Variants in DDX4 observed in about 807,000 individuals in gnomAD.
The protein encoded by DDX4 is DEAD-box helicase 4, also known as probable ATP-dependent RNA helicase DDX4.
A neutral mutation model predicts 100.0 loss-of-function variants in DDX4; 25 were observed. The ratio of observed to expected loss-of-function variants is 0.25; its 90% CI spans 0.18 to 0.35. DDX4 has a LOEUF of 0.35. DDX4 is among the 10% of genes least tolerant of loss of function. DDX4 has a pLI of 1.00. For missense variants in DDX4, 635 were observed against 882.4 expected, an observed-to-expected ratio of 0.72 and a Z score of 3.55; for synonymous variants, 259 against 275.7, an observed-to-expected ratio of 0.94 and a Z score of 0.60.
At chr5:55,774,740 A>G (rs1362368617) in intron 7 of DDX4, among the ~76,000 whole-genome samples, 1 of 152,128 alleles carries the variant, frequency 6.6e-6, no homozygotes. Context: ...ATGGATACCC[A>G]GTTGTTCTAG....
In DDX4 at chr5:55,815,026, A is replaced by G; in HGVS notation, c.1841A>G (p.Asn614Ser). 1.2e-6 allele frequency: 2 copies of G among 1,614,192 alleles called. No individual in the cohort carries two copies. Among genetic ancestry groups the G allele is most frequent in the Non-Finnish European group, 1.7e-6 (2 of 1,180,032 alleles). The change falls in exon 20 of 22, where the codon AAT (asparagine) becomes AGT (serine). Residue 614 changes from asparagine to serine, a missense_variant. This residue lies in a region of DDX4 where 115 missense variants were observed against 224.7 expected (regional missense o/e 0.51). Coordinates refer to ENST00000505374, the MANE Select transcript of DDX4 (RefSeq NM_024415.3). ...ATTGAAAATGTGCAACATGTTATCA[A>G]TTTTGATCTTCCTTCTACCATTGAT... ...LDIENVQHVI[N>S]FDLPSTIDEY...
intron 3 of DDX4, among the ~76,000 whole-genome samples, chr5:55,756,856 G>T (rs1759966794): frequency 6.6e-6 from 1 of 151,984 alleles, no homozygotes; most frequent in South Asian, 2.1e-4. Context: ...ATTGGTATTA[G>T]AGTCTTATTT....
chr5:55,807,271 T>C (rs920662668), intron 18 of DDX4, among the ~76,000 whole-genome samples: 4 of 152,232 alleles, frequency 2.6e-5, no homozygotes, highest in African/African-American at 9.6e-5. Context: ...CTTGACTCTT[T>C]ATCCAGTTTG....
In DDX4 at chr5:55,796,908, C is replaced by A. The variant is rs189782624; in HGVS notation, c.1470-1518C>A. Among the ~76,000 whole-genome samples the A allele has an allele frequency of 1.5e-5, 2 of 129,548 alleles. 1 individual carries two copies. Among genetic ancestry groups the A allele is most frequent in the South Asian group, 5.6e-4 (2 of 3,600 alleles). 85.0% of individuals were successfully genotyped at this position (129,548 alleles called of 152,430 possible). On this transcript the variant is annotated intron_variant, in intron 17 of 21. Transcript: ENST00000505374. ...CCAGGCTGAAGTTCAGAGGCACAATCATGGTTCACTGCCACCTTGACCTCC... is the reference window on the plus strand; with the variant it reads ...CCAGGCTGAAGTTCAGAGGCACAATAATGGTTCACTGCCACCTTGACCTCC...
intron 4 of DDX4, among the ~76,000 whole-genome samples, chr5:55,762,001 G>C (rs540010558): frequency 7.9e-5 from 12 of 152,090 alleles, no homozygotes; most frequent in Non-Finnish European, 1.3e-4. Flanking sequence ...TTAAAATATC[G>C]ACTAGCTTGT....
intron 17 of DDX4, 23 bp downstream of exon 17, chr5:55,792,830 A>G: frequency 7.9e-7 from 1 of 1,272,720 alleles, no homozygotes; most frequent in Non-Finnish European, 1.0e-6. Flanking sequence ...TCTTAAAAAT[A>G]ATTTAATTAT....
At chr5:55,793,418 G>C (rs550868599) in intron 17 of DDX4, among the ~76,000 whole-genome samples, 1 of 152,218 alleles carries the variant, frequency 6.6e-6, no homozygotes, top group Admixed American at 6.5e-5. Flanking sequence ...CTTTATAATG[G>C]TTTATCATAG....
At position 55,768,375 on chromosome 5, in the gene DDX4, A is replaced by G. The variant is rs191931319; in HGVS notation, c.394+435A>G. Among the ~76,000 whole-genome samples, 114 of 152,282 alleles carry G rather than the reference A, an allele frequency of 7.5e-4. 1 individual carries two copies. The highest frequency in any genetic ancestry group is 5.6e-3 in the East Asian group (29 of 5,192). On this transcript the variant is annotated intron_variant, in intron 7 of 21. Coordinates refer to ENST00000505374, the MANE Select transcript of DDX4 (RefSeq NM_024415.3). ...TTAGCTCCCACTTATAAGTGAGAAC[A>G]TTCAGTATTTGGCTTTCTGTTCCTG... is the stretch of plus-strand genomic sequence containing the variant.
chr5:55,780,956 C>G (rs1470901238), intron 8 of DDX4, 110 bp from the exon 9 acceptor site: 1 of 832,540 alleles, frequency 1.2e-6, no homozygotes, highest in Non-Finnish European at 1.8e-6. Flanking sequence ...TTCTATTTTA[C>G]CCTGCATCTT....
chr5:55,761,332 T>C (rs1740538681), intron 4 of DDX4, among the ~76,000 whole-genome samples: 1 of 152,128 alleles, frequency 6.6e-6, no homozygotes, highest in South Asian at 2.1e-4. Flanking sequence ...ACGTATCTTT[T>C]AAAATTATAT....
At chr5:55,746,073 T>C (rs1759234640) in intron 2 of DDX4, 91 bp from the exon 3 acceptor site, 4 of 989,140 alleles carry the variant, frequency 4.0e-6, no homozygotes, top group Admixed American at 2.5e-5. Context: ...TGAACAAAGC[T>C]CAATTGTTAT....
At chr5:55,806,842 C>T (rs1261249347) in intron 18 of DDX4, among the ~76,000 whole-genome samples, 1 of 152,112 alleles carries the variant, frequency 6.6e-6, no homozygotes, top group African/African-American at 2.4e-5. Context: ...CTGTTAGGTC[C>T]ACTTGGTGCA....
intron 18 of DDX4, among the ~76,000 whole-genome samples, chr5:55,808,685 C>T (rs764876701): frequency 2.6e-5 from 4 of 152,234 alleles, no homozygotes; most frequent in Admixed American, 1.3e-4. Context: ...GAAGTTTTGT[C>T]TCAGAGGAGT....
chr5:55,798,389 G>A (rs1359500163), intron 17 of DDX4, 37 bp from the exon 18 acceptor site: 1 of 1,601,866 alleles, frequency 6.2e-7, no homozygotes, highest in Admixed American at 1.7e-5. Flanking sequence ...CTGATGGAGA[G>A]GAGGATAAGT....
Position 55,815,297 on chromosome 5 carries a change from T to G in DDX4, c.1987-16T>G. 6.2e-7 allele frequency: 1 copy of G among 1,604,470 alleles called. No individual in the cohort carries two copies. The highest frequency in any genetic ancestry group is 8.5e-7 in the Non-Finnish European group (1 of 1,177,572). On this transcript the variant is annotated splice_polypyrimidine_tract_variant and intron_variant, in intron 20 of 21. Coordinates refer to ENST00000505374, the MANE Select transcript of DDX4 (RefSeq NM_024415.3). Reference sequence around the variant, plus strand: ...TTAATACTTTATGTTGCATATGAAGTCAATTTTTTTTAAAGGCTCAACAGG... The same window carrying G: ...TTAATACTTTATGTTGCATATGAAGGCAATTTTTTTTAAAGGCTCAACAGG...
chr5:55,766,137 T>C (rs1346865156), intron 6 of DDX4, among the ~76,000 whole-genome samples: 1 of 152,014 alleles, frequency 6.6e-6, no homozygotes, highest in Non-Finnish European at 1.5e-5. Flanking sequence ...TTTGTATAAT[T>C]AATAGGTTGT....
In DDX4 at chr5:55,785,470, G is replaced by A; in HGVS notation, c.697G>A (p.Gly233Arg). The A allele has an allele frequency of 6.2e-7, 1 of 1,607,944 alleles. No homozygotes were observed. The highest frequency in any genetic ancestry group is 8.5e-7 in the Non-Finnish European group (1 of 1,176,072). The change falls in exon 12 of 22, where the codon GGA (glycine) becomes AGA (arginine). Residue 233 changes from glycine to arginine, a missense_variant. Physicochemically the swap from Gly to Arg is moderately radical, Grantham distance 125. Around this residue, in one of 4 missense-constraint regions of DDX4, gnomAD observed 446 missense variants for 540.8 expected, o/e 0.82. Coordinates refer to ENST00000505374, the MANE Select transcript of DDX4 (RefSeq NM_024415.3). ...AGATTCTTGGAAGTCAGAAGCAGAA[G>A]GAGGAGAAAGTAGTGATACTCAAGG... The part of the protein sequence containing the change: ...GKNSWKSEAE[G>R]GESSDTQGPK...
At chr5:55,786,795 A>C in intron 14 of DDX4, 125 bp downstream of exon 14, 1 of 729,376 alleles carries the variant, frequency 1.4e-6, no homozygotes, top group Non-Finnish European at 2.3e-6. Context: ...ATAAGTATTG[A>C]TGGTTTTGCT....
chr5:55,754,568 G>C (rs1418280482), intron 3 of DDX4, among the ~76,000 whole-genome samples: 4 of 149,828 alleles, frequency 2.7e-5, no homozygotes, highest in Middle Eastern at 3.2e-3. Flanking sequence ...TGCTGGATTC[G>C]GTTTGCCAGT....
Sources: allele counts gnomAD v4.1 joint callset (sites outside exome capture counted in the v4.1 genomes callset), GRCh38; gene constraint gnomAD v4.1.1; regional missense constraint gnomAD v4.1.1; transcripts MANE v1.5; gene names NCBI Gene and HGNC (gene_info 2026-07-23, HGNC 2026-07-21).